Variants in ERGIC1 observed in about 807,000 individuals in gnomAD.
ERGIC1 encodes the protein endoplasmic reticulum-Golgi intermediate compartment protein 1.
ERGIC1 carries 19 observed loss-of-function variants against 38.3 expected under a neutral mutation model. The observed-to-expected ratio is 0.50, with a 90% CI of 0.35 to 0.73. The LOEUF is 0.73. ERGIC1 is among the 30% of genes least tolerant of loss of function. The pLI, the probability that ERGIC1 is intolerant of heterozygous loss-of-function variation, is 0.01. For missense variants in ERGIC1, 294 were observed against 389.2 expected (o/e 0.76, Z 2.06); for synonymous variants, 124 against 157.6 (o/e 0.79, Z 1.60).
rs966455954 is a variant in ERGIC1, at chr5:172,952,641, C to T, written c.*1825C>T. 5 of 151,948 alleles carry T rather than the reference C, an allele frequency of 3.3e-5. No individual in the cohort carries two copies. Among genetic ancestry groups the T allele is most frequent in the African/African-American group, 1.2e-4 (5 of 41,338 alleles). The allele number at this position is 151,948 out of a possible 1,614,324, so 9.4% of individuals were successfully genotyped here. On this transcript the variant is annotated 3_prime_UTR_variant, in exon 10 of 10. Transcript: ENST00000393784. The stretch of plus-strand genomic sequence containing the variant: ...GAAAAAAATGTTTTAGTTCTTTCCC[C>T]ACTCGTTGGGTTCAACTAGATTAAA...
intron 1 of ERGIC1, among the ~76,000 whole-genome samples, chr5:172,856,678 G>C (rs940008917): frequency 3.3e-5 from 5 of 152,166 alleles, no homozygotes; most frequent in Admixed American, 6.5e-5. Context: ...GCTTAGAGGA[G>C]GGAGCACCGA....
intron 9 of ERGIC1, among the ~76,000 whole-genome samples, chr5:172,950,498 TTTA>T (rs1483288098): frequency 2.6e-5 from 4 of 152,178 alleles, no homozygotes; most frequent in South Asian, 2.1e-4. Flanking sequence ...TGAAAATTAT[TTTA>T]TTATTATTAA....
Position 172,835,650 on chromosome 5 carries a change from C to A in ERGIC1, c.20+1217C>A, listed in dbSNP as rs140321013. ...AGGCAGTGTAAAGTGACAGTCTACCCAGAGAGAAAGGCCCTTAGCCTGCCA... is the reference window on the plus strand; with the variant it reads ...AGGCAGTGTAAAGTGACAGTCTACCAAGAGAGAAAGGCCCTTAGCCTGCCA... On this transcript the variant is annotated intron_variant, in intron 1 of 9. Coordinates refer to ENST00000393784, the MANE Select transcript of ERGIC1 (RefSeq NM_001031711.3). Among the ~76,000 whole-genome samples, 122 of 152,266 alleles carry A rather than the reference C, an allele frequency of 8.0e-4. No homozygotes were observed. The East Asian group carries it at 8.5e-3, about 11-fold the overall frequency.
rs1262909781 is a variant in ERGIC1 at position 172,834,285 on chromosome 5, G to C, written c.-129G>C. On this transcript the variant is annotated 5_prime_UTR_variant, in exon 1 of 10. Transcript: ENST00000393784. This position sits in a 1 kb window ranked among gnomAD's most constrained non-coding sequence, Gnocchi z 4.1. ...CAGCGGGAGGCGAGTGGCGAGTGGC[G>C]AGTGGCGAGTGTCAGGGGGGCGGCC... 11 of 893,436 alleles carry C rather than the reference G, an allele frequency of 1.2e-5. No individual in the cohort carries two copies. Among genetic ancestry groups the C allele is most frequent in the African/African-American group, 3.6e-5 (2 of 55,884 alleles). The allele number at this position is 893,436 out of a possible 1,614,324, so 55.3% of individuals were successfully genotyped here. A position where few individuals can be genotyped will look rare whatever the true frequency, so the allele number is the denominator to read the frequency against.
At chr5:172,882,715 G>C (rs145108692) in intron 1 of ERGIC1, among the ~76,000 whole-genome samples, 1,776 of 152,216 alleles carry the variant, frequency 0.012, 40 homozygotes, top group African/African-American at 0.04. Flanking sequence ...ATTGCCTTCT[G>C]TAGCTTTGGT....
chr5:172,855,776 G>C (rs1761534621), intron 1 of ERGIC1, among the ~76,000 whole-genome samples: 1 of 152,148 alleles, frequency 6.6e-6, no homozygotes, highest in Non-Finnish European at 1.5e-5. Context: ...AGTGTGCCCT[G>C]TCCTCAGCAT....
chr5:172,905,030 G>A (rs1762981735), intron 3 of ERGIC1, among the ~76,000 whole-genome samples: 1 of 152,130 alleles, frequency 6.6e-6, no homozygotes, highest in African/African-American at 2.4e-5. Flanking sequence ...ACCCACGCCT[G>A]GGAGAGGCTT....
chr5:172,836,000 C>T (rs1424530507), intron 1 of ERGIC1, among the ~76,000 whole-genome samples: 2 of 152,228 alleles, frequency 1.3e-5, no homozygotes, highest in African/African-American at 4.8e-5. Context: ...ATTCGTGCCA[C>T]CGCCGCCCCC....
chr5:172,904,137 C>A lies in ERGIC1; in HGVS notation c.156-5530C>A, dbSNP rs188326921. 3.2e-4 allele frequency among the ~76,000 whole-genome samples: 48 copies of A among 152,218 alleles called. No homozygotes were observed. The East Asian group carries it at 7.7e-3, about 25-fold the overall frequency. Reference sequence around the variant, plus strand: ...TTTTCTCTCCTTTCCTCTCTCCCTCCTTCCTTTCCTTTCTTATTTTCTTAT... The same window carrying A: ...TTTTCTCTCCTTTCCTCTCTCCCTCATTCCTTTCCTTTCTTATTTTCTTAT... On this transcript the variant is annotated intron_variant, in intron 3 of 9. Coordinates refer to ENST00000393784, the MANE Select transcript of ERGIC1 (RefSeq NM_001031711.3).
At chr5:172,872,754 G>A (rs62387377) in intron 1 of ERGIC1, among the ~76,000 whole-genome samples, 3,430 of 152,184 alleles carry the variant, frequency 0.023, 57 homozygotes, top group Non-Finnish European at 0.032. Flanking sequence ...TGGGGAGCTT[G>A]CAGTGAGCCA....
intron 1 of ERGIC1, among the ~76,000 whole-genome samples, chr5:172,865,499 TTCTTA>T (rs1761833995): frequency 1.3e-5 from 2 of 152,364 alleles, no homozygotes; most frequent in East Asian, 1.9e-4. Flanking sequence ...TTGTAAAGTG[TTCTTA>T]TCTTAAGTAT....
intron 1 of ERGIC1, among the ~76,000 whole-genome samples, chr5:172,882,835 A>T (rs902583532): frequency 9.2e-5 from 14 of 152,176 alleles, no homozygotes; most frequent in Non-Finnish European, 1.5e-4. Flanking sequence ...AGTCAGGGTT[A>T]AACCAGCACC....
chr5:172,888,844 G>A (rs1270616230), intron 2 of ERGIC1, 84 bp downstream of exon 2: 14 of 1,301,070 alleles, frequency 1.1e-5, no homozygotes, highest in Admixed American at 1.7e-5. Flanking sequence ...TCTGGGCCAG[G>A]GAGGAAAGAA....
In ERGIC1 at chr5:172,875,189, A is replaced by G. The variant is rs553889805; in HGVS notation, c.21-13510A>G. Among the ~76,000 whole-genome samples the G allele has an allele frequency of 5.3e-5, 8 of 152,298 alleles. No homozygotes were observed. The East Asian group carries it at 1.3e-3, about 26-fold the overall frequency. On this transcript the variant is annotated intron_variant, in intron 1 of 9. Coordinates refer to ENST00000393784, the MANE Select transcript of ERGIC1 (RefSeq NM_001031711.3). ...CTGAAGTAGCAGAAAAGTGGACTAG[A>G]AGAGGTTTAAATAAGAGTTTTTTTG...
chr5:172,869,662 A>G (rs780555725), intron 1 of ERGIC1, among the ~76,000 whole-genome samples: 1 of 152,162 alleles, frequency 6.6e-6, no homozygotes, highest in Non-Finnish European at 1.5e-5. Flanking sequence ...TTTCTTATCC[A>G]CTTGCATTAT....
intron 9 of ERGIC1, among the ~76,000 whole-genome samples, chr5:172,940,742 C>A (rs983414608): frequency 6.6e-6 from 1 of 152,218 alleles, no homozygotes; most frequent in East Asian, 1.9e-4. Flanking sequence ...TTGGCCAGGG[C>A]TTAACCTGGG....
intron 1 of ERGIC1, among the ~76,000 whole-genome samples, chr5:172,881,435 T>C (rs954017623): frequency 6.6e-6 from 1 of 152,156 alleles, no homozygotes; most frequent in African/African-American, 2.4e-5. Flanking sequence ...CCCAAGGGCC[T>C]AGACTGGGTA....
At chr5:172,931,083 GC>G (rs1763766045) in intron 7 of ERGIC1, 1 of 152,164 alleles carries the variant, frequency 6.6e-6, no homozygotes, top group Non-Finnish European at 1.5e-5. Flanking sequence ...TGCATTCCCA[GC>G]CTTCTTACAG....
Position 172,834,335 on chromosome 5 carries a change from G to A in ERGIC1, c.-79G>A. On this transcript the variant is annotated 5_prime_UTR_variant, in exon 1 of 10. Coordinates refer to ENST00000393784, the MANE Select transcript of ERGIC1 (RefSeq NM_001031711.3). The surrounding 1 kb of genome is among the most constrained non-coding windows in gnomAD (Gnocchi z 4.1). Reference sequence around the variant, plus strand: ...CGGCGGGGGCGGGGCGGCCGGAGGAGGCGTTGGCAGCGGGCTCGGACCCAC... The same window carrying A: ...CGGCGGGGGCGGGGCGGCCGGAGGAAGCGTTGGCAGCGGGCTCGGACCCAC... 1 of 1,189,240 alleles carries A rather than the reference G, an allele frequency of 8.4e-7. No homozygotes were observed. The highest frequency in any genetic ancestry group is 1.0e-6 in the Non-Finnish European group (1 of 959,640). 73.7% of individuals were successfully genotyped at this position (1,189,240 alleles called of 1,614,324 possible). A position where few individuals can be genotyped will look rare whatever the true frequency, so the allele number is the denominator to read the frequency against.
Sources: gnomAD v4.1 joint callset for allele counts (sites outside exome capture counted in the v4.1 genomes callset) on GRCh38, gnomAD v4.1.1 for gene constraint, Gnocchi (gnomAD v3.1) non-coding constraint, MANE v1.5 for transcripts, NCBI Gene and HGNC (gene_info 2026-07-23, HGNC 2026-07-21) for gene names.